The following RAB11FIP4 variants were observed in gnomAD, a reference collection of about 807,000 sequenced individuals.
RAB11FIP4 encodes rab11 family-interacting protein 4.
Under a neutral mutation model 74.3 loss-of-function variants are expected in RAB11FIP4, and 23 were observed. That is an observed-to-expected ratio of 0.31 (90% CI 0.22 to 0.44). The LOEUF is 0.44. Among genes scored for constraint, RAB11FIP4 ranks in the 20% least tolerant of loss-of-function variants. The pLI is 1.00. For synonymous variants in RAB11FIP4, 360 were observed against 359.9 expected (o/e 1.00, Z 0.00); for missense variants, 630 against 863.9 (o/e 0.73, Z 3.39).
chr17:31,480,811 A>G (rs1597943116), intron 3 of RAB11FIP4, among the ~76,000 whole-genome samples: 1 of 151,800 alleles, frequency 6.6e-6, no homozygotes, highest in South Asian at 2.1e-4. Flanking sequence ...AAAAAAAAAA[A>G]AAAAAGAAAG....
intron 3 of RAB11FIP4, among the ~76,000 whole-genome samples, chr17:31,445,555 T>TTTTTTTTTTTTTTTTTTAC (rs2071447764): frequency 8.0e-5 from 1 of 12,524 alleles, no homozygotes; most frequent in African/African-American, 2.5e-4. Flanking sequence ...TATATATATA[T>TTTTTTTTTTTTTTTTTTAC]ATATATATAT....
intron 1 of RAB11FIP4, among the ~76,000 whole-genome samples, chr17:31,429,801 C>T (rs988825115): frequency 2.1e-5 from 3 of 145,188 alleles, no homozygotes; most frequent in Non-Finnish European, 4.5e-5. Flanking sequence ...TGCGCTCCAG[C>T]CTGGGCAACA....
chr17:31,397,156 G>A lies in RAB11FIP4; in HGVS notation c.159+5145G>A, dbSNP rs2070938983. Among the ~76,000 whole-genome samples, 3 of 152,182 alleles carry A rather than the reference G, an allele frequency of 2.0e-5. 1 individual carries two copies. Among genetic ancestry groups the A allele is most frequent in the South Asian group, 4.1e-4 (2 of 4,832 alleles). On this transcript the variant is annotated intron_variant, in intron 1 of 14. Coordinates refer to ENST00000621161, the MANE Select transcript of RAB11FIP4 (RefSeq NM_032932.6). ...CTCAGGAGTAGCAATTGGATAACAG[G>A]GAAGAAACAACTGTATCCCCACAGC...
chr17:31,441,593 T>A (rs549533697), intron 3 of RAB11FIP4, among the ~76,000 whole-genome samples: 6 of 151,878 alleles, frequency 4.0e-5, no homozygotes, highest in Non-Finnish European at 7.4e-5. Flanking sequence ...AGCAGTGTGA[T>A]CTCGGCTCAC....
chr17:31,506,524 A>G (rs1346505432), intron 3 of RAB11FIP4, among the ~76,000 whole-genome samples: 6 of 152,254 alleles, frequency 3.9e-5, no homozygotes, highest in Middle Eastern at 3.4e-3. Context: ...CTGTTGACCA[A>G]CCTTTCCCCG....
chr17:31,513,184 C>T (rs931850349), intron 3 of RAB11FIP4, among the ~76,000 whole-genome samples: 22 of 152,174 alleles, frequency 1.4e-4, no homozygotes, highest in African/African-American at 5.3e-4. Context: ...GTGATTCTTA[C>T]CTGCAGGCAG....
intron 3 of RAB11FIP4, among the ~76,000 whole-genome samples, chr17:31,497,099 C>T (rs913154002): frequency 1.2e-4 from 18 of 152,220 alleles, no homozygotes; most frequent in African/African-American, 4.1e-4. Context: ...CACGATGGTT[C>T]ATGCCTGTAA....
intron 3 of RAB11FIP4, among the ~76,000 whole-genome samples, chr17:31,508,379 A>C (rs946560075): frequency 3.3e-5 from 5 of 152,252 alleles, no homozygotes; most frequent in African/African-American, 9.6e-5. Flanking sequence ...ATGGACCTGC[A>C]GAGCCAGTGG....
intron 2 of RAB11FIP4, 84 bp downstream of exon 2, chr17:31,431,984 G>T (rs1017898731): frequency 1.9e-6 from 2 of 1,068,070 alleles, no homozygotes; most frequent in Non-Finnish European, 2.8e-6. Flanking sequence ...GCCCAGCCTG[G>T]ATTCCTCCCC....
intron 3 of RAB11FIP4, among the ~76,000 whole-genome samples, chr17:31,488,740 C>A (rs1020693795): frequency 6.6e-6 from 1 of 152,218 alleles, no homozygotes; most frequent in Non-Finnish European, 1.5e-5. Flanking sequence ...TCGGGGCCAG[C>A]CCAGGTCGTG....
intron 3 of RAB11FIP4, among the ~76,000 whole-genome samples, chr17:31,440,969 C>T (rs1171674681): frequency 6.6e-6 from 1 of 152,046 alleles, no homozygotes; most frequent in African/African-American, 2.4e-5. Flanking sequence ...TATATCTTTT[C>T]ATTTATTCTG....
intron 3 of RAB11FIP4, among the ~76,000 whole-genome samples, chr17:31,468,210 A>C (rs1423965829): frequency 6.6e-6 from 1 of 152,022 alleles, no homozygotes; most frequent in African/African-American, 2.4e-5. Flanking sequence ...GACTCTTCTG[A>C]TCAGAGCCTC....
In RAB11FIP4 at chr17:31,537,179, C is replaced by G. The variant is rs988502534; in HGVS notation, c.*5447C>G. On this transcript the variant is annotated 3_prime_UTR_variant, in exon 15 of 15. Coordinates refer to ENST00000621161, the MANE Select transcript of RAB11FIP4 (RefSeq NM_032932.6). ...CCACTGTACAGGATTTTCCACATTG[C>G]CCACTGCCTCCTTTTCTACATCGTC... is the stretch of plus-strand genomic sequence containing the variant. 2.5e-6 allele frequency: 1 copy of G among 399,412 alleles called. No individual in the cohort carries two copies. The highest frequency in any genetic ancestry group is 2.1e-5 in the African/African-American group (1 of 48,634). 24.7% of individuals were successfully genotyped at this position (399,412 alleles called of 1,614,324 possible). A position where few individuals can be genotyped will look rare whatever the true frequency, so the allele number is the denominator to read the frequency against.
intron 3 of RAB11FIP4, among the ~76,000 whole-genome samples, chr17:31,514,999 GGCCCT>G (rs575434569): frequency 3.9e-4 from 59 of 152,264 alleles, no homozygotes; most frequent in Admixed American, 1.2e-3. Flanking sequence ...CGGGGTGGGG[GGCCCT>G]GCCCTGCCCT....
At chr17:31,501,852 A>G (rs914781377) in intron 3 of RAB11FIP4, 19 of 158,188 alleles carry the variant, frequency 1.2e-4, no homozygotes, top group Non-Finnish European at 2.0e-4. Flanking sequence ...GTGAAAGACA[A>G]TGCTCTTATG....
At chr17:31,420,534 C>G (rs528006965) in intron 1 of RAB11FIP4, among the ~76,000 whole-genome samples, 3 of 151,972 alleles carry the variant, frequency 2.0e-5, no homozygotes, top group African/African-American at 7.3e-5. Flanking sequence ...TGCTCAGCCT[C>G]ATTTTTTATA....
intron 3 of RAB11FIP4, among the ~76,000 whole-genome samples, chr17:31,508,361 G>T (rs956343989): frequency 2.0e-5 from 3 of 152,190 alleles, no homozygotes; most frequent in African/African-American, 7.2e-5. Context: ...CTCACTGATT[G>T]TCCCTAAATG....
At chr17:31,441,996 A>T (rs1171736409) in intron 3 of RAB11FIP4, among the ~76,000 whole-genome samples, 1 of 151,400 alleles carries the variant, frequency 6.6e-6, no homozygotes, top group Non-Finnish European at 1.5e-5. Flanking sequence ...TGTTGGGCGT[A>T]TATACACTTT....
intron 3 of RAB11FIP4, among the ~76,000 whole-genome samples, chr17:31,444,802 C>A (rs1300149250): frequency 1.3e-5 from 2 of 152,162 alleles, no homozygotes; most frequent in Non-Finnish European, 2.9e-5. Context: ...TTCGTATATA[C>A]CTTTCCAGTC....
Sources: gnomAD v4.1 joint callset for allele counts (sites outside exome capture counted in the v4.1 genomes callset) on GRCh38, gnomAD v4.1.1 for gene constraint, MANE v1.5 for transcripts, NCBI Gene and HGNC (gene_info 2026-07-23, HGNC 2026-07-21) for gene names.